Variants in IMPG2 observed in about 807,000 individuals in gnomAD.
IMPG2 encodes interphotoreceptor matrix proteoglycan 2.
Under a neutral mutation model 129.2 loss-of-function variants are expected in IMPG2, and 91 were observed. The ratio of observed to expected loss-of-function variants is 0.70; its 90% CI spans 0.59 to 0.84. The LOEUF (loss-of-function observed/expected upper bound fraction) is 0.84. IMPG2 is among the 40% of genes least tolerant of loss of function. IMPG2 has a pLI of 0.00. For synonymous variants in IMPG2, 510 were observed against 517.7 expected, an observed-to-expected ratio of 0.99 and a Z score of 0.20; for missense variants, 1,430 against 1,461.7, an observed-to-expected ratio of 0.98 and a Z score of 0.35.
intron 4 of IMPG2, among the ~76,000 whole-genome samples, chr3:101,278,138 G>A (rs536246872): frequency 6.6e-6 from 1 of 152,326 alleles, no homozygotes; most frequent in African/African-American, 2.4e-5. Flanking sequence ...AGGAGGCTGA[G>A]GTATGAGAAT....
chr3:101,306,795 A>G (rs1707210015), intron 2 of IMPG2, among the ~76,000 whole-genome samples: 1 of 152,232 alleles, frequency 6.6e-6, no homozygotes, highest in African/African-American at 2.4e-5. Flanking sequence ...AAAATAAAAC[A>G]TAGAAGAATA....
chr3:101,237,017 C>T lies in IMPG2; in HGVS notation c.3023-4026G>A, dbSNP rs146571161. 2.1e-3 allele frequency among the ~76,000 whole-genome samples: 315 copies of T among 152,262 alleles called. 1 individual carries two copies. The highest frequency in any genetic ancestry group is 7.2e-3 in the African/African-American group (301 of 41,538). ...CAGCCTGAAGTCAACCTGGGGCGCT[C>T]GAGCTTGGTGCAGAGAGGGGCGTCC... On this transcript the variant is annotated intron_variant, in intron 14 of 18. Coordinates refer to ENST00000193391, the MANE Select transcript of IMPG2 (RefSeq NM_016247.4).
chr3:101,305,347 G>A (rs1707177806), intron 2 of IMPG2, among the ~76,000 whole-genome samples: 1 of 152,126 alleles, frequency 6.6e-6, no homozygotes, highest in African/African-American at 2.4e-5. Context: ...GGATGAATAG[G>A]AGGAGCATAG....
chr3:101,317,548 A>G (rs2107147133), intron 2 of IMPG2, among the ~76,000 whole-genome samples: 1 of 152,252 alleles, frequency 6.6e-6, no homozygotes, highest in South Asian at 2.1e-4. Flanking sequence ...CATAATACAA[A>G]TTATCTCTTC....
chr3:101,286,073 A>G (rs964637350), intron 4 of IMPG2, among the ~76,000 whole-genome samples: 1 of 152,076 alleles, frequency 6.6e-6, no homozygotes, highest in African/African-American at 2.4e-5. Context: ...AGTCCCTTAA[A>G]TTCTCTACGC....
In IMPG2 at chr3:101,234,154, T is replaced by A. The variant is rs552173105; in HGVS notation, c.3023-1163A>T. Among the ~76,000 whole-genome samples the A allele has an allele frequency of 2.0e-5, 3 of 148,664 alleles. No homozygotes were observed. In the East Asian group the frequency reaches 5.9e-4, roughly 29 times the overall value. ...GGAAACAGAGCATTTGTATATGTAA[T>A]CAAGTTAAGAAGAGGCCATACGAGA... On this transcript the variant is annotated intron_variant, in intron 14 of 18. Coordinates refer to ENST00000193391, the MANE Select transcript of IMPG2 (RefSeq NM_016247.4).
Position 101,231,041 on chromosome 3 carries a change from A to G in IMPG2, c.3338T>C (p.Leu1113Pro), listed in dbSNP as rs1706280480. ...GITIASVVGL[L>P]VIFSAIIYFF... ...GTAGATGATAGCAGAAAAGATGACA[A>G]GAAGTCCAACCACGGAGGCAATAGT... The change falls in exon 16 of 19, where the codon CTT (leucine) becomes CCT (proline). Residue 1113 changes from leucine (L) to proline (P), a missense_variant. By Grantham distance (98) the Leu-to-Pro change is moderately conservative (BLOSUM62 -3). Transcript: ENST00000193391. 1 of 1,614,072 alleles carries G rather than the reference A, an allele frequency of 6.2e-7. No homozygotes were observed. The highest frequency in any genetic ancestry group is 8.5e-7 in the Non-Finnish European group (1 of 1,180,010).
rs199570786 is a variant in IMPG2 at position 101,310,559 on chromosome 3, C to CAAAA, written c.335-6251_335-6248dup. Reference sequence around the variant, plus strand: ...TGGGTGACAAAGTGAGACCCTGTCTCAAAAAAAAAAAAAAAAAAAAAAAAA... The same window carrying CAAAA: ...TGGGTGACAAAGTGAGACCCTGTCTCAAAAAAAAAAAAAAAAAAAAAAAAAAAAA... On this transcript the variant is annotated intron_variant, in intron 2 of 18. Coordinates refer to ENST00000193391, the MANE Select transcript of IMPG2 (RefSeq NM_016247.4). Among the ~76,000 whole-genome samples the CAAAA allele has an allele frequency of 2.1e-3, 268 of 126,424 alleles. 8 individuals carry two copies. Among genetic ancestry groups the CAAAA allele is most frequent in the African/African-American group, 8.7e-3 (254 of 29,056 alleles). The allele number at this position is 126,424 out of a possible 152,430, so 82.9% of individuals were successfully genotyped here.
In IMPG2 at chr3:101,232,776, C is replaced by T. The variant is rs1706303570; in HGVS notation, c.3233+5G>A. 3 of 1,612,576 alleles carry T rather than the reference C, an allele frequency of 1.9e-6. No individual in the cohort carries two copies. Among genetic ancestry groups the T allele is most frequent in the South Asian group, 2.2e-5 (2 of 91,034 alleles). On this transcript the variant is annotated splice_donor_5th_base_variant and intron_variant, in intron 15 of 18. Coordinates refer to ENST00000193391, the MANE Select transcript of IMPG2 (RefSeq NM_016247.4). ...CTAAAGTCAAAATCTGTAACTACAA[C>T]ATACCTACAAATGGCCCCGTGCCCA...
At chr3:101,318,604 T>G (rs968360974) in intron 2 of IMPG2, among the ~76,000 whole-genome samples, 1 of 152,056 alleles carries the variant, frequency 6.6e-6, no homozygotes, top group African/African-American at 2.4e-5. Context: ...AGACAGAAGG[T>G]TCATATAATC....
chr3:101,275,861 G>T, intron 5 of IMPG2, 116 bp from the exon 6 acceptor site: 1 of 790,198 alleles, frequency 1.3e-6, no homozygotes, highest in Non-Finnish European at 2.2e-6. Flanking sequence ...TTGTTTTATT[G>T]TCCTGGAAAT....
intron 18 of IMPG2, chr3:101,227,690 T>C: frequency 9.4e-6 from 4 of 424,410 alleles, no homozygotes; most frequent in South Asian, 6.6e-5. Context: ...GTGATATTGC[T>C]CTGGCTGCAT....
In IMPG2 at chr3:101,275,702, T is replaced by C; in HGVS notation, c.627A>G (p.Glu209=). Residue 209 remains glutamate (E), a synonymous_variant, in exon 6 of 19, where the codon GAA becomes GAG. Coordinates refer to ENST00000193391, the MANE Select transcript of IMPG2 (RefSeq NM_016247.4). ...TTTCCAAGCTGCTCTCTGAGGCACC[T>C]TCATAGGCGTCCACCTCTGGATGTG... is the stretch of plus-strand genomic sequence containing the variant. ...SVPHPEVDAY[E]GASESSLERP... 6.2e-7 allele frequency: 1 copy of C among 1,613,964 alleles called. No individual in the cohort carries two copies. Among genetic ancestry groups the C allele is most frequent in the Non-Finnish European group, 8.5e-7 (1 of 1,179,860 alleles).
In IMPG2 at chr3:101,280,018, T is replaced by C. The variant is rs115228727; in HGVS notation, c.534-3305A>G. ...CACAGCACTGGAACACAGAGGTGTA[T>C]TGAGCTTGGAAAGAGAAATACTACT... On this transcript the variant is annotated intron_variant, in intron 4 of 18. Transcript: ENST00000193391. Among the ~76,000 whole-genome samples the C allele has an allele frequency of 1.0e-2, 1,522 of 152,328 alleles. 30 individuals are homozygous for C. Among genetic ancestry groups the C allele is most frequent in the African/African-American group, 0.034 (1,431 of 41,580 alleles).
In IMPG2 at chr3:101,284,039, C is replaced by T. The variant is rs1576763022; in HGVS notation, c.534-7326G>A. Reference sequence around the variant, plus strand: ...GAAGATGGTGAAAAGTGATCAGATTCGAGATATATTTTGAATCTACAGGCA... The same window carrying T: ...GAAGATGGTGAAAAGTGATCAGATTTGAGATATATTTTGAATCTACAGGCA... On this transcript the variant is annotated intron_variant, in intron 4 of 18. Transcript: ENST00000193391. Among the ~76,000 whole-genome samples the T allele has an allele frequency of 3.3e-5, 5 of 152,138 alleles. 1 individual carries two copies. The South Asian group carries it at 1.0e-3, about 32-fold the overall frequency.
At chr3:101,260,775 G>A (rs1339040411) in intron 9 of IMPG2, among the ~76,000 whole-genome samples, 2 of 152,104 alleles carry the variant, frequency 1.3e-5, no homozygotes, top group Non-Finnish European at 2.9e-5. Flanking sequence ...ACATGAAGAC[G>A]TGGTTGGTGC....
intron 3 of IMPG2, among the ~76,000 whole-genome samples, chr3:101,292,555 G>A (rs575808195): frequency 3.3e-5 from 5 of 152,282 alleles, no homozygotes; most frequent in African/African-American, 1.2e-4. Flanking sequence ...CTTCTGGAGG[G>A]TCTTGCCTCC....
Position 101,223,648 on chromosome 3 carries a change from G to T in IMPG2, c.*3321C>A, listed in dbSNP as rs1305365415. The T allele has an allele frequency of 6.6e-6, 1 of 152,182 alleles. No individual in the cohort carries two copies. Among genetic ancestry groups the T allele is most frequent in the African/African-American group, 2.4e-5 (1 of 41,452 alleles). The allele number at this position is 152,182 out of a possible 1,614,324, so 9.4% of individuals were successfully genotyped here. A position where few individuals can be genotyped will look rare whatever the true frequency, so the allele number is the denominator to read the frequency against. On this transcript the variant is annotated 3_prime_UTR_variant, in exon 19 of 19. Transcript: ENST00000193391. ...TTTAGAGCCTACAAAGAATATTTGTGCAGTTTCCAGCTTTTTGTTAGAGGT... is the reference window on the plus strand; with the variant it reads ...TTTAGAGCCTACAAAGAATATTTGTTCAGTTTCCAGCTTTTTGTTAGAGGT...
intron 14 of IMPG2, among the ~76,000 whole-genome samples, chr3:101,237,839 C>A (rs1706363529): frequency 6.6e-6 from 1 of 151,970 alleles, no homozygotes; most frequent in South Asian, 2.1e-4. Flanking sequence ...AACTCCTTGC[C>A]AGCAAGGGAA....
Sources: gnomAD v4.1 joint callset for allele counts (sites outside exome capture counted in the v4.1 genomes callset) on GRCh38, gnomAD v4.1.1 for gene constraint, MANE v1.5 for transcripts, NCBI Gene and HGNC (gene_info 2026-07-23, HGNC 2026-07-21) for gene names.